The following PDS5A variants were observed in gnomAD, a reference collection of about 807,000 sequenced individuals.
PDS5A encodes sister chromatid cohesion protein PDS5 homolog A.
In PDS5A, 42 loss-of-function variants were observed where a neutral mutation model predicts 167.1. That is an observed-to-expected ratio of 0.25 (90% CI 0.20 to 0.33). The LOEUF (loss-of-function observed/expected upper bound fraction) is 0.33. Among genes scored for constraint, PDS5A ranks in the 10% least tolerant of loss-of-function variants. PDS5A has a pLI of 1.00. For missense variants in PDS5A, 1,033 were observed against 1,605.9 expected (o/e 0.64, Z 6.10); for synonymous variants, 553 against 554.6 (o/e 1.00, Z 0.04).
chr4:39,971,444 C>G (rs1730527076), intron 2 of PDS5A, among the ~76,000 whole-genome samples: 1 of 151,962 alleles, frequency 6.6e-6, no homozygotes, highest in Non-Finnish European at 1.5e-5. Flanking sequence ...GCGTGAGCCA[C>G]CGCACCGGGC....
At chr4:39,942,243 G>A (rs1278491306) in intron 2 of PDS5A, among the ~76,000 whole-genome samples, 4 of 151,854 alleles carry the variant, frequency 2.6e-5, no homozygotes, top group East Asian at 1.9e-4. Flanking sequence ...TCAACCCTCC[G>A]CTCTAGTCAA....
intron 30 of PDS5A, among the ~76,000 whole-genome samples, chr4:39,843,244 T>C (rs1717226564): frequency 6.6e-6 from 1 of 151,628 alleles, no homozygotes; most frequent in African/African-American, 2.4e-5. Flanking sequence ...ACATCATAGC[T>C]CACTTTAGAC....
rs1731177372 is a variant in PDS5A at position 39,977,054 on chromosome 4, G to T, written c.-41+403C>A. 6.6e-6 allele frequency among the ~76,000 whole-genome samples: 1 copy of T among 152,090 alleles called. No homozygotes were observed. Among genetic ancestry groups the T allele is most frequent in the African/African-American group, 2.4e-5 (1 of 41,434 alleles). On this transcript the variant is annotated intron_variant, in intron 1 of 32. Transcript: ENST00000303538. The surrounding 1 kb of genome is among the most constrained non-coding windows in gnomAD (Gnocchi z 4.2). ...GCTCGGCTTAGGCCGCAAAACTAGG[G>T]ACCCAGCGGACCCACGCGCAGCGGC...
At chr4:39,851,802 A>C (rs1384767776) in intron 26 of PDS5A, among the ~76,000 whole-genome samples, 1 of 152,242 alleles carries the variant, frequency 6.6e-6, no homozygotes, top group Non-Finnish European at 1.5e-5. Flanking sequence ...TTGTTTATAT[A>C]AACACTGAAA....
Position 39,872,968 on chromosome 4 carries a change from A to T in PDS5A, c.2436+18T>A, listed in dbSNP as rs1317821761. The T allele has an allele frequency of 2.1e-6, 3 of 1,421,176 alleles. No homozygotes were observed. Among genetic ancestry groups the T allele is most frequent in the Non-Finnish European group, 2.8e-6 (3 of 1,052,758 alleles). 88.0% of individuals were successfully genotyped at this position (1,421,176 alleles called of 1,614,324 possible). Reference sequence around the variant, plus strand: ...CCTTAATCTCATGATTCTCAATTTAATTAAATGAGAAACTTACCCTGTCAT... The same window carrying T: ...CCTTAATCTCATGATTCTCAATTTATTTAAATGAGAAACTTACCCTGTCAT... On this transcript the variant is annotated intron_variant, in intron 21 of 32. Transcript: ENST00000303538.
intron 8 of PDS5A, among the ~76,000 whole-genome samples, chr4:39,916,062 C>G (rs1374753327): frequency 1.3e-5 from 2 of 151,878 alleles, no homozygotes; most frequent in Non-Finnish European, 2.9e-5. Flanking sequence ...GTGAGAACCC[C>G]TCTCAAACAA....
At chr4:39,926,331 C>G (rs956322368) in intron 4 of PDS5A, among the ~76,000 whole-genome samples, 1 of 151,898 alleles carries the variant, frequency 6.6e-6, no homozygotes, top group Non-Finnish European at 1.5e-5. Flanking sequence ...AGACCAGCCT[C>G]AACATGGAGA....
chr4:39,944,649 ACAC>A (rs1727570510), intron 2 of PDS5A, among the ~76,000 whole-genome samples: 1 of 148,862 alleles, frequency 6.7e-6, no homozygotes, highest in Admixed American at 6.8e-5. Context: ...AGCCAAGATC[ACAC>A]CACTACACTC....
rs1715076203 is a variant in PDS5A, at chr4:39,824,200, T to TA, written c.*1284dup. The TA allele has an allele frequency of 6.6e-6, 1 of 152,208 alleles. No homozygotes were observed. Among genetic ancestry groups the TA allele is most frequent in the Non-Finnish European group, 1.5e-5 (1 of 68,044 alleles). The allele number at this position is 152,208 out of a possible 1,614,324, so 9.4% of individuals were successfully genotyped here. ...ATCACAAAATTAAAAACCTGAGGCT[T>TA]AGTCACTATTTTATATAGATAATGG... On this transcript the variant is annotated 3_prime_UTR_variant, in exon 33 of 33. Coordinates refer to ENST00000303538, the MANE Select transcript of PDS5A (RefSeq NM_001100399.2).
At chr4:39,865,420 T>C (rs1719349201) in intron 23 of PDS5A, among the ~76,000 whole-genome samples, 1 of 152,212 alleles carries the variant, frequency 6.6e-6, no homozygotes, top group African/African-American at 2.4e-5. Flanking sequence ...TAGAGCGTAG[T>C]GGTGCACACC....
intron 8 of PDS5A, among the ~76,000 whole-genome samples, chr4:39,914,030 T>C (rs1303472933): frequency 6.6e-6 from 1 of 152,150 alleles, no homozygotes; most frequent in African/African-American, 2.4e-5. Context: ...ACTTCTAACA[T>C]TAAGAACCCT....
chr4:39,925,780 T>C (rs561679802), intron 5 of PDS5A, 56 bp downstream of exon 5: 1 of 644,578 alleles, frequency 1.6e-6, no homozygotes, highest in East Asian at 3.0e-5. Flanking sequence ...GTATACAACA[T>C]CTGAATACAT....
intron 12 of PDS5A, among the ~76,000 whole-genome samples, 172 bp downstream of exon 12, chr4:39,903,868 T>C (rs886535165): frequency 1.6e-4 from 25 of 152,154 alleles, no homozygotes; most frequent in African/African-American, 5.5e-4. Context: ...CATAAAAATA[T>C]GTAAAAAGCT....
chr4:39,928,130 T>C lies in PDS5A; in HGVS notation c.173A>G (p.Asp58Gly). 1 of 1,611,870 alleles carries C rather than the reference T, an allele frequency of 6.2e-7. No individual in the cohort carries two copies. Among genetic ancestry groups the C allele is most frequent in the East Asian group, 2.2e-5 (1 of 44,836 alleles). ...VVKTFMDMDQDSEDEKQQYLP... is the reference protein window; with the variant it reads ...VVKTFMDMDQGSEDEKQQYLP... ...ATACTGCTGTTTTTCATCTTCTGAG[T>C]CCTGATCCATATCCATAAAGGTTTT... The change falls in exon 3 of 33, where the codon GAC becomes GGC. Residue 58 changes from aspartate to glycine, a missense_variant. Around this residue, in one of 4 missense-constraint regions of PDS5A, gnomAD observed 388 missense variants for 615.1 expected, o/e 0.63. Transcript: ENST00000303538.
At chr4:39,976,382 A>G in intron 2 of PDS5A, 58 bp downstream of exon 2, 4 of 1,480,826 alleles carry the variant, frequency 2.7e-6, no homozygotes, top group South Asian at 2.3e-5. Flanking sequence ...GCAGGGTAGC[A>G]GTATCACAGG....
intron 2 of PDS5A, among the ~76,000 whole-genome samples, chr4:39,935,114 C>T (rs1407778490): frequency 2.6e-5 from 4 of 152,144 alleles, no homozygotes; most frequent in Admixed American, 6.5e-5. Flanking sequence ...AGATTTTCTC[C>T]GCTGTGGTAT....
At chr4:39,971,349 ATT>A (rs1413227328) in intron 2 of PDS5A, among the ~76,000 whole-genome samples, 1 of 151,012 alleles carries the variant, frequency 6.6e-6, no homozygotes, top group Admixed American at 6.6e-5. Flanking sequence ...TAGAGATGGG[ATT>A]TCACCTGTGT....
intron 16 of PDS5A, among the ~76,000 whole-genome samples, 170 bp from the exon 17 acceptor site, chr4:39,890,534 C>G (rs1057221236): frequency 4.6e-5 from 7 of 152,034 alleles, no homozygotes; most frequent in African/African-American, 1.7e-4. Context: ...AAAATCTGGA[C>G]AGCAGAGAAA....
At position 39,830,320 on chromosome 4, in the gene PDS5A, G is replaced by A. The variant is rs1715745336; in HGVS notation, c.4011-4832C>T. Among the ~76,000 whole-genome samples the A allele has an allele frequency of 2.6e-5, 4 of 152,270 alleles. No individual in the cohort carries two copies. In the South Asian group the frequency reaches 8.3e-4, roughly 32 times the overall value. The stretch of plus-strand genomic sequence containing the variant: ...TCCTCCTGCCACAGCATCCCAAGTA[G>A]CTGGGACCACAGGTGAATACCACCA... On this transcript the variant is annotated intron_variant, in intron 32 of 32. Transcript: ENST00000303538.
Sources: allele counts gnomAD v4.1 joint callset (sites outside exome capture counted in the v4.1 genomes callset), GRCh38; gene constraint gnomAD v4.1.1; regional missense constraint gnomAD v4.1.1; non-coding constraint Gnocchi (gnomAD v3.1); transcripts MANE v1.5; gene names NCBI Gene and HGNC (gene_info 2026-07-23, HGNC 2026-07-21).